The following ATP10D variants were observed in gnomAD, a reference collection of about 807,000 sequenced individuals.
ATP10D encodes phospholipid-transporting ATPase VD.
ATP10D carries 89 observed loss-of-function variants against 144.8 expected under a neutral mutation model. The observed-to-expected ratio is 0.61, with a 90% CI of 0.52 to 0.73. The LOEUF is 0.73. Among genes scored for constraint, ATP10D ranks in the 30% least tolerant of loss-of-function variants. The probability of loss-of-function intolerance (pLI) is 0.00; values close to 1 mark genes in which losing one functional copy is unlikely to be tolerated. For synonymous variants in ATP10D, 571 were observed against 615.1 expected (o/e 0.93, Z 1.06); for missense variants, 1,603 against 1,714.8 (o/e 0.93, Z 1.15).
At chr4:47,538,072 T>G (rs1717940010) in intron 9 of ATP10D, among the ~76,000 whole-genome samples, 1 of 152,190 alleles carries the variant, frequency 6.6e-6, no homozygotes, top group Non-Finnish European at 1.5e-5. Flanking sequence ...TGCTTCTTTT[T>G]CACACCCAGC....
chr4:47,590,503 A>AAC (rs1380056234), intron 22 of ATP10D, among the ~76,000 whole-genome samples: 14 of 152,154 alleles, frequency 9.2e-5, no homozygotes, highest in African/African-American at 3.4e-4. Flanking sequence ...ATGAGGTTAT[A>AAC]CAGGAAAGAT....
At chr4:47,575,269 ACTCT>A (rs566286373) in intron 18 of ATP10D, among the ~76,000 whole-genome samples, 6 of 151,882 alleles carry the variant, frequency 4.0e-5, no homozygotes, top group East Asian at 1.9e-4. Flanking sequence ...TTGAGACAAA[ACTCT>A]CTCTAAGTCC....
At chr4:47,561,951 G>T (rs1233815626) in intron 14 of ATP10D, among the ~76,000 whole-genome samples, 1 of 152,116 alleles carries the variant, frequency 6.6e-6, no homozygotes, top group Non-Finnish European at 1.5e-5. Flanking sequence ...ACCTAACTTA[G>T]TATCTAGCAA....
intron 9 of ATP10D, among the ~76,000 whole-genome samples, chr4:47,541,740 A>G (rs1207142457): frequency 1.3e-5 from 2 of 152,210 alleles, no homozygotes; most frequent in Non-Finnish European, 2.9e-5. Context: ...ACTCATGCCC[A>G]CTTCTTCCAT....
At chr4:47,546,295 A>T (rs1336500154) in intron 9 of ATP10D, among the ~76,000 whole-genome samples, 1 of 151,178 alleles carries the variant, frequency 6.6e-6, no homozygotes, top group Non-Finnish European at 1.5e-5. Flanking sequence ...GAGTTCAGGG[A>T]GGTGAGATTC....
In ATP10D at chr4:47,568,033, C is replaced by A. The variant is rs1167566452; in HGVS notation, c.2854-804C>A. Among the ~76,000 whole-genome samples, 4 of 152,326 alleles carry A rather than the reference C, an allele frequency of 2.6e-5. No homozygotes were observed. In the East Asian group the frequency reaches 5.8e-4, roughly 22 times the overall value. ...TCTGGATAAGCTTATTGTTCATCTT[C>A]TTGAGTAGAATTCATTCAGTGAATG... On this transcript the variant is annotated intron_variant, in intron 15 of 22. Coordinates refer to ENST00000273859, the MANE Select transcript of ATP10D (RefSeq NM_020453.4).
chr4:47,493,419 G>A (rs900796389), intron 1 of ATP10D, among the ~76,000 whole-genome samples: 2 of 152,084 alleles, frequency 1.3e-5, no homozygotes, highest in African/African-American at 2.4e-5. Flanking sequence ...TATAGTGTTC[G>A]ATAAAGTACA....
intron 1 of ATP10D, among the ~76,000 whole-genome samples, chr4:47,503,287 T>A (rs1477612640): frequency 6.6e-6 from 1 of 152,218 alleles, no homozygotes; most frequent in Non-Finnish European, 1.5e-5. Flanking sequence ...AGTGAGAGGC[T>A]GCTTCTGTGA....
At position 47,498,040 on chromosome 4, in the gene ATP10D, G is replaced by A. The variant is rs78496960; in HGVS notation, c.-38+12521G>A. On this transcript the variant is annotated intron_variant, in intron 1 of 22. Transcript: ENST00000273859. ...ATCTATTATATGTCAGATGTCTTAC[G>A]TACATTCCCATTAACTCCTCACAAC... 3.1e-3 allele frequency among the ~76,000 whole-genome samples: 479 copies of A among 152,194 alleles called. 3 individuals carry two copies. Among genetic ancestry groups the A allele is most frequent in the African/African-American group, 0.011 (473 of 41,530 alleles).
chr4:47,520,458 C>T (rs1294162734), intron 3 of ATP10D, among the ~76,000 whole-genome samples: 1 of 152,162 alleles, frequency 6.6e-6, no homozygotes, highest in Non-Finnish European at 1.5e-5. Flanking sequence ...CCAGTTCGCT[C>T]GTCTTTACTG....
In ATP10D at chr4:47,591,170, A is replaced by G; in HGVS notation, c.4070A>G (p.Asn1357Ser). Residue 1357 changes from asparagine (N) to serine (S), a missense_variant, in exon 23 of 23, where the codon AAT (asparagine) becomes AGT (serine). Asn to Ser is a conservative substitution (Grantham distance 46). Transcript: ENST00000273859. ...LKKWRGAGKM[N>S]QVTSKYANQS... The stretch of plus-strand genomic sequence containing the variant: ...AAGTGGAGAGGGGCTGGAAAGATGA[A>G]TCAAGTGACATCAAAGTATGCTAAC... The G allele has an allele frequency of 1.2e-6, 2 of 1,613,650 alleles. No individual in the cohort carries two copies. Among genetic ancestry groups the G allele is most frequent in the Non-Finnish European group, 1.7e-6 (2 of 1,179,654 alleles).
At chr4:47,530,887 T>C (rs1717532217) in intron 5 of ATP10D, among the ~76,000 whole-genome samples, 2 of 152,222 alleles carry the variant, frequency 1.3e-5, no homozygotes, top group South Asian at 2.1e-4. Flanking sequence ...CTATTGGCTT[T>C]GGTTTGCTAA....
chr4:47,570,301 A>G (rs1443685561), intron 16 of ATP10D, among the ~76,000 whole-genome samples: 1 of 152,198 alleles, frequency 6.6e-6, no homozygotes, highest in African/African-American at 2.4e-5. Flanking sequence ...GTCATAGGGA[A>G]CGCCAAAGTT....
At chr4:47,577,055 CA>C in intron 19 of ATP10D, 82 bp downstream of exon 19, 1 of 1,201,500 alleles carries the variant, frequency 8.3e-7, no homozygotes, top group East Asian at 2.4e-5. Flanking sequence ...CAAAATATTG[CA>C]GTCTACTCAG....
At position 47,536,652 on chromosome 4, in the gene ATP10D, G is replaced by A. The variant is rs113459013; in HGVS notation, c.1144-34G>A. 6.1e-5 allele frequency: 97 copies of A among 1,596,864 alleles called. No homozygotes were observed. The African/African-American group carries it at 6.4e-4, about 10-fold the overall frequency. On this transcript the variant is annotated intron_variant, in intron 8 of 22. Coordinates refer to ENST00000273859, the MANE Select transcript of ATP10D (RefSeq NM_020453.4). ...AGTTTCACATCCTTTTTTAACCTAC[G>A]TTAACATTTTAAAACTTGTTTGGAT...
rs78313569 is a variant in ATP10D, at chr4:47,545,132, G to A, written c.1397-1492G>A. ...CTGAATGACATAATCTTGAAATTCCGTAGGAAAGGCTTCCAGTCAGAAGGA... is the reference window on the plus strand; with the variant it reads ...CTGAATGACATAATCTTGAAATTCCATAGGAAAGGCTTCCAGTCAGAAGGA... On this transcript the variant is annotated intron_variant, in intron 9 of 22. Coordinates refer to ENST00000273859, the MANE Select transcript of ATP10D (RefSeq NM_020453.4). Among the ~76,000 whole-genome samples the A allele has an allele frequency of 1.2e-3, 183 of 152,290 alleles. 3 individuals carry two copies. The East Asian group carries it at 0.026, about 21-fold the overall frequency.
rs568054540 is a variant in ATP10D, at chr4:47,490,239, C to T, written c.-38+4720C>T. 7.9e-5 allele frequency among the ~76,000 whole-genome samples: 12 copies of T among 152,128 alleles called. No homozygotes were observed. In the East Asian group the frequency reaches 1.9e-3, roughly 24 times the overall value. On this transcript the variant is annotated intron_variant, in intron 1 of 22. Transcript: ENST00000273859. ...CTCTTCTTCTTTACTAAATTCTTTC[C>T]TAGAGAGATGTCCTCAGATATTTTC...
At chr4:47,546,883 A>C in intron 10 of ATP10D, 21 bp downstream of exon 10, 2 of 1,569,086 alleles carry the variant, frequency 1.3e-6, no homozygotes, top group Non-Finnish European at 1.8e-6. Flanking sequence ...ATGCATGACT[A>C]GAGTCTTGCA....
At chr4:47,566,508 A>G (rs779758678) in intron 15 of ATP10D, among the ~76,000 whole-genome samples, 4 of 152,146 alleles carry the variant, frequency 2.6e-5, no homozygotes, top group Non-Finnish European at 5.9e-5. Flanking sequence ...ACAAATAGAC[A>G]TAGAAGATAA....
Sources: gnomAD v4.1 joint callset for allele counts (sites outside exome capture counted in the v4.1 genomes callset) on GRCh38, gnomAD v4.1.1 for gene constraint, MANE v1.5 for transcripts, NCBI Gene and HGNC (gene_info 2026-07-23, HGNC 2026-07-21) for gene names.